The following HEATR5B variants were observed in gnomAD, a reference collection of about 807,000 sequenced individuals.
HEATR5B encodes HEAT repeat containing 5B.
Under a neutral mutation model 224.1 loss-of-function variants are expected in HEATR5B, and 156 were observed. The ratio of observed to expected loss-of-function variants is 0.70; its 90% CI spans 0.61 to 0.80. The LOEUF is 0.80. Among genes scored for constraint, HEATR5B ranks in the 30% least tolerant of loss-of-function variants. The pLI is 0.00. For missense variants in HEATR5B, 2,323 were observed against 2,535.5 expected, an observed-to-expected ratio of 0.92 and a Z score of 1.80; for synonymous variants, 1,027 against 893.0, an observed-to-expected ratio of 1.15 and a Z score of -2.68.
chr2:36,991,522 A>C (rs1487018223), intron 33 of HEATR5B, among the ~76,000 whole-genome samples: 1 of 151,928 alleles, frequency 6.6e-6, no homozygotes, highest in Admixed American at 6.6e-5. Flanking sequence ...AAACTTGGAC[A>C]ATTTCCTGAA....
rs757079123 is a variant in HEATR5B, at chr2:37,008,772, T to G, written c.4361A>C (p.Asp1454Ala). The G allele has an allele frequency of 5.0e-6, 8 of 1,614,178 alleles. No homozygotes were observed. The highest frequency in any genetic ancestry group is 3.3e-4 in the Middle Eastern group (2 of 6,062). ...ATCGATGGTACCACAGTCGTCATCATCATCGTCAGTATTTTTAATTGCTCT... is the reference window on the plus strand; with the variant it reads ...ATCGATGGTACCACAGTCGTCATCAGCATCGTCAGTATTTTTAATTGCTCT... ...PKRAIKNTDD[D>A]DDDCGTIDEL... The change falls in exon 28 of 36, where the codon GAT (aspartate) becomes GCT (alanine). Residue 1454 changes from aspartate to alanine, a missense_variant. Coordinates refer to ENST00000233099, the MANE Select transcript of HEATR5B (RefSeq NM_019024.3).
rs977683064 is a variant in HEATR5B, at chr2:37,040,585, G to A, written c.2857-67C>T. 6.0e-6 allele frequency: 7 copies of A among 1,162,002 alleles called. No individual in the cohort carries two copies. In the African/African-American group the frequency reaches 9.4e-5, roughly 16 times the overall value. The allele number at this position is 1,162,002 out of a possible 1,614,324, so 72.0% of individuals were successfully genotyped here. On this transcript the variant is annotated intron_variant, in intron 19 of 35. Coordinates refer to ENST00000233099, the MANE Select transcript of HEATR5B (RefSeq NM_019024.3). The stretch of plus-strand genomic sequence containing the variant: ...TCGAATGTACTGAATTGAGTATACT[G>A]AATTGTTACATGGGTATACTCTTAA...
At chr2:37,010,327 T>A (rs1667708957) in intron 27 of HEATR5B, among the ~76,000 whole-genome samples, 1 of 152,134 alleles carries the variant, frequency 6.6e-6, no homozygotes, top group Non-Finnish European at 1.5e-5. Context: ...ATAGGTACAC[T>A]GCAAGCTTCT....
chr2:37,070,716 G>A (rs1392374737), intron 6 of HEATR5B, among the ~76,000 whole-genome samples: 2 of 152,114 alleles, frequency 1.3e-5, no homozygotes, highest in Admixed American at 6.5e-5. Context: ...TCTCATTCCC[G>A]CCTGAGGTGG....
chr2:36,987,865 A>C (rs1666048943), intron 35 of HEATR5B, among the ~76,000 whole-genome samples: 1 of 152,072 alleles, frequency 6.6e-6, no homozygotes, highest in African/African-American at 2.4e-5. Flanking sequence ...GTCCAGGAGG[A>C]GTCAGAGACC....
At chr2:37,062,968 AT>A (rs1035943436) in intron 10 of HEATR5B, among the ~76,000 whole-genome samples, 8 of 151,988 alleles carry the variant, frequency 5.3e-5, no homozygotes, top group African/African-American at 1.9e-4. Flanking sequence ...TAAAAATTTC[AT>A]TTTTTATTTT....
intron 17 of HEATR5B, among the ~76,000 whole-genome samples, chr2:37,050,286 A>T (rs1670455250): frequency 6.6e-6 from 1 of 152,236 alleles, no homozygotes; most frequent in Admixed American, 6.5e-5. Context: ...ACATGTATAT[A>T]CTAATGTCTA....
chr2:37,037,983 C>A lies in HEATR5B; in HGVS notation c.3088G>T (p.Val1030Leu). Residue 1030 changes from valine to leucine, a missense_variant, in exon 21 of 36, where the codon GTG becomes TTG. Physicochemically the swap from Val to Leu is conservative, Grantham distance 32. Around this residue, in one of 12 missense-constraint regions of HEATR5B, gnomAD observed 88 missense variants for 86.8 expected, o/e 1.01. Coordinates refer to ENST00000233099, the MANE Select transcript of HEATR5B (RefSeq NM_019024.3). ...TGGTCTTGTGTTATTGCACAACCCA[C>A]CAAACAAGAGGAACGAATTGTAGAA... ...TTSTIRSSCL[V>L]GCAITQDHSD... The A allele has an allele frequency of 6.3e-7, 1 of 1,586,614 alleles. No individual in the cohort carries two copies. Among genetic ancestry groups the A allele is most frequent in the South Asian group, 1.2e-5 (1 of 86,014 alleles).
chr2:36,995,599 T>C (rs1382395216), intron 33 of HEATR5B, among the ~76,000 whole-genome samples: 1 of 152,180 alleles, frequency 6.6e-6, no homozygotes, highest in Non-Finnish European at 1.5e-5. Flanking sequence ...AAAAAGAGTA[T>C]AGGAGAGAAA....
chr2:36,995,344 C>A (rs1034089331), intron 33 of HEATR5B, among the ~76,000 whole-genome samples: 1 of 152,030 alleles, frequency 6.6e-6, no homozygotes, highest in Non-Finnish European at 1.5e-5. Context: ...CCACTTTGGC[C>A]TCCTTTGGGA....
At chr2:37,003,057 G>A (rs966181384) in intron 31 of HEATR5B, among the ~76,000 whole-genome samples, 2 of 151,712 alleles carry the variant, frequency 1.3e-5, no homozygotes, top group Admixed American at 6.6e-5. Flanking sequence ...TCAGGAGTTC[G>A]AGACCAGCCT....
At chr2:37,075,413 GA>G (rs34545380) in intron 5 of HEATR5B, 71 bp downstream of exon 5, 1,136,376 of 1,153,472 alleles carry the variant, frequency 0.99, 561,478 homozygotes, top group East Asian at 1. Flanking sequence ...AATTTTAAAA[GA>G]AAAAAAAATC....
At chr2:37,046,998 C>G (rs201140630) in intron 18 of HEATR5B, among the ~76,000 whole-genome samples, 1 of 116,742 alleles carries the variant, frequency 8.6e-6, no homozygotes, top group African/African-American at 3.5e-5. Context: ...TGCAGTGAGC[C>G]AAGATTGCAC....
Position 37,040,052 on chromosome 2 carries a change from T to C in HEATR5B, c.3046+277A>G, listed in dbSNP as rs1054826168. ...ACTCTAGGCCAAAGGAACTCTATTA[T>C]TAACTTTCTTTTCATGGGACTCCAA... is the stretch of plus-strand genomic sequence containing the variant. On this transcript the variant is annotated intron_variant, in intron 20 of 35. Transcript: ENST00000233099. 3.3e-5 allele frequency among the ~76,000 whole-genome samples: 5 copies of C among 152,230 alleles called. 1 individual carries two copies. Among genetic ancestry groups the C allele is most frequent in the African/African-American group, 9.7e-5 (4 of 41,448 alleles).
chr2:37,053,935 A>T (rs1458081327), intron 16 of HEATR5B, among the ~76,000 whole-genome samples: 1 of 151,800 alleles, frequency 6.6e-6, no homozygotes, highest in African/African-American at 2.4e-5. Flanking sequence ...AACAATCATT[A>T]ATTATGTATC....
intron 35 of HEATR5B, among the ~76,000 whole-genome samples, chr2:36,986,955 G>A (rs918425340): frequency 2.6e-5 from 4 of 151,490 alleles, no homozygotes; most frequent in South Asian, 2.1e-4. Context: ...GTTCCACCAC[G>A]TTTGCCAGGC....
intron 34 of HEATR5B, among the ~76,000 whole-genome samples, chr2:36,989,988 A>G (rs1572739697): frequency 7.7e-6 from 1 of 130,160 alleles, no homozygotes; most frequent in South Asian, 2.4e-4. Flanking sequence ...AACTCACTCC[A>G]CCTCCTGGGT....
chr2:37,022,448 A>G (rs1219253296), intron 24 of HEATR5B, among the ~76,000 whole-genome samples: 1 of 152,236 alleles, frequency 6.6e-6, no homozygotes, highest in East Asian at 1.9e-4. Context: ...AAGTGCTGGG[A>G]TAACAGGCGT....
intron 33 of HEATR5B, among the ~76,000 whole-genome samples, chr2:36,995,911 G>A (rs970110033): frequency 6.6e-6 from 1 of 151,932 alleles, no homozygotes; most frequent in African/African-American, 2.4e-5. Context: ...TTGGAGACAG[G>A]GTCTTGCTTT....
Sources: allele counts gnomAD v4.1 joint callset (sites outside exome capture counted in the v4.1 genomes callset), GRCh38; gene constraint gnomAD v4.1.1; regional missense constraint gnomAD v4.1.1; transcripts MANE v1.5; gene names NCBI Gene and HGNC (gene_info 2026-07-23, HGNC 2026-07-21).